The following ZNF827 variants were observed in gnomAD, a reference collection of about 807,000 sequenced individuals.
ZNF827 encodes the protein zinc finger protein 827.
In ZNF827, 13 loss-of-function variants were observed where a neutral mutation model predicts 102.4. The observed-to-expected ratio is 0.13, with a 90% CI of 0.08 to 0.20. The LOEUF (loss-of-function observed/expected upper bound fraction) is 0.20, where lower values mean the gene tolerates loss of function less well. Among genes scored for constraint, ZNF827 ranks in the 10% least tolerant of loss-of-function variants. The pLI is 1.00. For missense variants in ZNF827, 1,103 were observed against 1,344.4 expected (o/e 0.82, Z 2.81); for synonymous variants, 523 against 536.2 (o/e 0.98, Z 0.34).
rs368500360 is a variant in ZNF827, at chr4:145,884,287, T to C, written c.1747+1391A>G. On this transcript the variant is annotated intron_variant, in intron 4 of 14. Coordinates refer to ENST00000508784, the MANE Select transcript of ZNF827 (RefSeq NM_001306215.2). ...CCCACTCCTGAGGAGCAAAGATCTGTGGTAAGGGGGACATTCCAAAAGACC... is the reference window on the plus strand; with the variant it reads ...CCCACTCCTGAGGAGCAAAGATCTGCGGTAAGGGGGACATTCCAAAAGACC... Among the ~76,000 whole-genome samples, 10 of 152,232 alleles carry C rather than the reference T, an allele frequency of 6.6e-5. No homozygotes were observed. In the East Asian group the frequency reaches 7.7e-4, roughly 12 times the overall value.
intron 5 of ZNF827, among the ~76,000 whole-genome samples, chr4:145,856,977 ACG>A (rs1355585901): frequency 7.9e-6 from 1 of 126,442 alleles, no homozygotes; most frequent in South Asian, 3.3e-4. Context: ...ATGCGCGCGC[ACG>A]CGCACGCACA....
chr4:145,787,799 C>T (rs1739104403), intron 8 of ZNF827, among the ~76,000 whole-genome samples: 1 of 152,140 alleles, frequency 6.6e-6, no homozygotes, highest in Non-Finnish European at 1.5e-5. Flanking sequence ...TCCAATCCAA[C>T]TCCTTCATTT....
intron 1 of ZNF827, among the ~76,000 whole-genome samples, chr4:145,925,800 G>C (rs1322663667): frequency 6.6e-6 from 1 of 152,168 alleles, no homozygotes; most frequent in African/African-American, 2.4e-5. Context: ...AACAATTTTA[G>C]AGTTCAACGC....
At position 145,903,232 on chromosome 4, in the gene ZNF827, A is replaced by T. The variant is rs779143479; in HGVS notation, c.44-17T>A. 2 of 1,589,222 alleles carry T rather than the reference A, an allele frequency of 1.3e-6. No individual in the cohort carries two copies. The highest frequency in any genetic ancestry group is 3.4e-5 in the Admixed American group (2 of 58,700). On this transcript the variant is annotated splice_polypyrimidine_tract_variant and intron_variant, in intron 1 of 14. Transcript: ENST00000508784. The stretch of plus-strand genomic sequence containing the variant: ...TACTAACATCTGGGGAGAATTAAGA[A>T]GATCAGGTTTACTCCCAAAGTGAAC...
At chr4:145,834,223 A>G (rs1282178621) in intron 7 of ZNF827, among the ~76,000 whole-genome samples, 1 of 152,166 alleles carries the variant, frequency 6.6e-6, no homozygotes, top group Non-Finnish European at 1.5e-5. Flanking sequence ...AAAATAGGCA[A>G]ACGGTCTGAG....
chr4:145,875,031 G>T (rs1478082447), intron 4 of ZNF827, among the ~76,000 whole-genome samples: 4 of 152,182 alleles, frequency 2.6e-5, no homozygotes, highest in Non-Finnish European at 5.9e-5. Flanking sequence ...GGGATAAGAT[G>T]ATTCCAGTCT....
chr4:145,929,102 C>T (rs530904345), intron 1 of ZNF827, among the ~76,000 whole-genome samples: 1 of 152,328 alleles, frequency 6.6e-6, no homozygotes, highest in Admixed American at 6.5e-5. Context: ...AAACACATTA[C>T]TATGGCACCA....
intron 8 of ZNF827, among the ~76,000 whole-genome samples, chr4:145,798,666 CAAT>C (rs758296464): frequency 7.9e-5 from 12 of 151,928 alleles, no homozygotes; most frequent in African/African-American, 1.5e-4. Context: ...AGATTTGTCT[CAAT>C]AATAATAATA....
intron 2 of ZNF827, among the ~76,000 whole-genome samples, chr4:145,898,128 C>T (rs59727033): frequency 0.013 from 1,905 of 152,332 alleles, 39 homozygotes; most frequent in African/African-American, 0.043. Flanking sequence ...GCACTCTAGC[C>T]TGGGCTATAG....
At chr4:145,825,069 C>A (rs1357785017) in intron 7 of ZNF827, among the ~76,000 whole-genome samples, 3 of 152,190 alleles carry the variant, frequency 2.0e-5, no homozygotes, top group Non-Finnish European at 4.4e-5. Context: ...AGCGAAGGGG[C>A]AGATATGTCG....
chr4:145,874,121 G>A (rs1050608389), intron 4 of ZNF827, among the ~76,000 whole-genome samples: 1 of 152,024 alleles, frequency 6.6e-6, no homozygotes, highest in Non-Finnish European at 1.5e-5. Context: ...AGAAGCATTA[G>A]TCAGAGTATA....
intron 6 of ZNF827, among the ~76,000 whole-genome samples, chr4:145,846,284 C>T (rs1179730794): frequency 1.3e-5 from 2 of 151,502 alleles, no homozygotes; most frequent in African/African-American, 2.4e-5. Context: ...CGACACTATC[C>T]TGGCTAACAC....
chr4:145,807,479 C>CT (rs1553988638), intron 8 of ZNF827, among the ~76,000 whole-genome samples: 2,689 of 147,570 alleles, frequency 0.018, 33 homozygotes, highest in Non-Finnish European at 0.026. Flanking sequence ...TGTCCCAGTG[C>CT]TTTTTTTTTT....
chr4:145,770,377 C>T (rs142573725), intron 11 of ZNF827, among the ~76,000 whole-genome samples: 1,735 of 151,610 alleles, frequency 0.011, 41 homozygotes, highest in African/African-American at 0.04. Context: ...GAGTTTGAAT[C>T]TCACTTCTAC....
chr4:145,859,518 T>C (rs995288122), intron 5 of ZNF827, among the ~76,000 whole-genome samples: 3 of 152,160 alleles, frequency 2.0e-5, no homozygotes, highest in African/African-American at 7.2e-5. Flanking sequence ...TAGTAGATAA[T>C]GTTCCCTCCG....
At chr4:145,909,245 T>C (rs996727168) in intron 1 of ZNF827, among the ~76,000 whole-genome samples, 1 of 152,196 alleles carries the variant, frequency 6.6e-6, no homozygotes, top group African/African-American at 2.4e-5. Context: ...CCTTCTTGAT[T>C]CCCTGCTCAT....
intron 7 of ZNF827, among the ~76,000 whole-genome samples, chr4:145,828,937 G>T (rs1007517120): frequency 2.0e-5 from 3 of 152,220 alleles, no homozygotes. Context: ...CCAACAGAGA[G>T]TTTTGTCTCA....
chr4:145,827,312 G>C (rs539257598), intron 7 of ZNF827, among the ~76,000 whole-genome samples: 1 of 152,332 alleles, frequency 6.6e-6, no homozygotes, highest in South Asian at 2.1e-4. Context: ...GATAGAGAAG[G>C]GGGTGATGGA....
At position 145,938,759 on chromosome 4, in the gene ZNF827, A is replaced by C; in HGVS notation, c.-352T>G. ...CGTGTGTGATGGGAGGTATAAATAAATGAGTGCCGGTGCGGCGGTGTCTAT... is the reference window on the plus strand; with the variant it reads ...CGTGTGTGATGGGAGGTATAAATAACTGAGTGCCGGTGCGGCGGTGTCTAT... On this transcript the variant is annotated 5_prime_UTR_variant, in exon 1 of 15. Coordinates refer to ENST00000508784, the MANE Select transcript of ZNF827 (RefSeq NM_001306215.2). The C allele has an allele frequency of 4.2e-6, 1 of 236,750 alleles. No homozygotes were observed. Among genetic ancestry groups the C allele is most frequent in the Non-Finnish European group, 8.3e-6 (1 of 120,756 alleles). The allele number at this position is 236,750 out of a possible 1,614,324, so 14.7% of individuals were successfully genotyped here. A position where few individuals can be genotyped will look rare whatever the true frequency, so the allele number is the denominator to read the frequency against.
Sources: gnomAD v4.1 joint callset for allele counts (sites outside exome capture counted in the v4.1 genomes callset) on GRCh38, gnomAD v4.1.1 for gene constraint, MANE v1.5 for transcripts, NCBI Gene and HGNC (gene_info 2026-07-23, HGNC 2026-07-21) for gene names.